GARNL3: variants seen among roughly 807,000 people sequenced by gnomAD.
GARNL3 encodes GTPase activating Rap/RanGAP domain like 3.
Under a neutral mutation model 125.0 loss-of-function variants are expected in GARNL3, and 63 were observed. That is an observed-to-expected ratio of 0.50 (90% confidence interval 0.41 to 0.62). GARNL3 has a LOEUF of 0.62. Ranked by LOEUF, GARNL3 falls within the 20% of genes least tolerant of loss-of-function variation. GARNL3 has a pLI of 0.00. For synonymous variants in GARNL3, 439 were observed against 457.5 expected, an observed-to-expected ratio of 0.96 and a Z score of 0.52; for missense variants, 994 against 1,244.0, an observed-to-expected ratio of 0.80 and a Z score of 3.02.
upstream of GARNL3, among the ~76,000 whole-genome samples, chr9:127,260,441 A>T (rs529137289): frequency 1.3e-5 from 2 of 152,220 alleles, no homozygotes; most frequent in Non-Finnish European, 2.9e-5. Context: ...TCTGAGGAAC[A>T]TGTCCTCTGA....
chr9:127,300,484 GT>G (rs1564895812), intron 2 of GARNL3: 1 of 393,568 alleles, frequency 2.5e-6, no homozygotes, highest in South Asian at 1.9e-5. Context: ...TTTTTTTGTT[GT>G]TTTTTGAGAC....
intron 2 of GARNL3, among the ~76,000 whole-genome samples, chr9:127,305,420 TC>T (rs2064925561): frequency 6.6e-6 from 1 of 152,198 alleles, no homozygotes. Flanking sequence ...TCTTTACACC[TC>T]ATCAAATGTG....
At chr9:127,267,699 C>T (rs949081675) in intron 1 of GARNL3, among the ~76,000 whole-genome samples, 10 of 152,216 alleles carry the variant, frequency 6.6e-5, no homozygotes, top group Admixed American at 6.5e-5. Flanking sequence ...TTTCCTCTCA[C>T]TTCTGAACAA....
chr9:127,354,809 T>C (rs1420365594), intron 19 of GARNL3, among the ~76,000 whole-genome samples: 4 of 152,210 alleles, frequency 2.6e-5, no homozygotes, highest in African/African-American at 9.7e-5. Context: ...TTCCTTTCCT[T>C]TCGGCAGAGT....
rs775573569 is a variant in GARNL3 at position 127,313,434 on chromosome 9, T to A, written c.320-7T>A. Reference sequence around the variant, plus strand: ...CATTCTCACTGTTCTAAACCTTTCTTTTCCAGTCCATCAGAACTACATTGG... The same window carrying A: ...CATTCTCACTGTTCTAAACCTTTCTATTCCAGTCCATCAGAACTACATTGG... On this transcript the variant is annotated splice_polypyrimidine_tract_variant and splice_region_variant and intron_variant, in intron 3 of 27. Coordinates refer to ENST00000373387, the MANE Select transcript of GARNL3 (RefSeq NM_032293.5). 2 of 1,603,194 alleles carry A rather than the reference T, an allele frequency of 1.2e-6. No individual in the cohort carries two copies. Among genetic ancestry groups the A allele is most frequent in the African/African-American group, 1.3e-5 (1 of 74,716 alleles).
At chr9:127,354,951 C>G (rs918813913) in intron 19 of GARNL3, among the ~76,000 whole-genome samples, 1 of 152,228 alleles carries the variant, frequency 6.6e-6, no homozygotes, top group African/African-American at 2.4e-5. Context: ...CGCCAGCATT[C>G]CCAGCTAACT....
At position 127,229,456 on chromosome 9, in the gene GARNL3, C is replaced by T. The variant is rs564112950; in HGVS notation, c.-29+5118C>T. On this transcript the variant is annotated intron_variant, in intron 1 of 10. Coordinates refer to the GARNL3 transcript ENST00000439286. Reference sequence around the variant, plus strand: ...CAGATTGGCCTCCCTTATCCAAAGTCCTTAATTCTTTCTCATTTCCTGTTA... The same window carrying T: ...CAGATTGGCCTCCCTTATCCAAAGTTCTTAATTCTTTCTCATTTCCTGTTA... Among the ~76,000 whole-genome samples, 3 of 152,274 alleles carry T rather than the reference C, an allele frequency of 2.0e-5. No homozygotes were observed. The East Asian group carries it at 5.8e-4, about 29-fold the overall frequency.
intron 1 of GARNL3, among the ~76,000 whole-genome samples, chr9:127,240,383 ACATGTGTAGACAG>A (rs1482446699): frequency 6.6e-6 from 1 of 152,016 alleles, no homozygotes; most frequent in East Asian, 1.9e-4. Context: ...CTTGCACCCC[ACATGTGTAGACAG>A]CTTGAAGGAT....
intron 19 of GARNL3, 126 bp from the exon 20 acceptor site, chr9:127,355,171 C>T: frequency 2.7e-6 from 2 of 730,712 alleles, no homozygotes. Context: ...GTGTCGGAAA[C>T]ATTCTCAGTC....
At chr9:127,345,144 A>C (rs1243062472) in intron 15 of GARNL3, among the ~76,000 whole-genome samples, 2 of 152,160 alleles carry the variant, frequency 1.3e-5, no homozygotes, top group Non-Finnish European at 2.9e-5. Context: ...TTTCAAGCTC[A>C]TGGTTTATAA....
chr9:127,247,046 G>A (rs970086450), intron 2 of GARNL3, among the ~76,000 whole-genome samples: 8 of 150,438 alleles, frequency 5.3e-5, no homozygotes, highest in African/African-American at 1.7e-4. Context: ...CTCTTTCAGC[G>A]CATTTTTGAG....
At chr9:127,288,018 G>A (rs889964882) in intron 1 of GARNL3, among the ~76,000 whole-genome samples, 1 of 152,180 alleles carries the variant, frequency 6.6e-6, no homozygotes, top group Non-Finnish European at 1.5e-5. Flanking sequence ...TAATGAGACC[G>A]ATACTGTGTC....
In GARNL3 at chr9:127,357,443, C is replaced by T. The variant is rs143126730; in HGVS notation, c.2094+66C>T. The T allele has an allele frequency of 3.2e-4, 458 of 1,441,398 alleles. 5 individuals carry two copies. The East Asian group carries it at 8.1e-3, about 25-fold the overall frequency. The allele number at this position is 1,441,398 out of a possible 1,614,324, so 89.3% of individuals were successfully genotyped here. On this transcript the variant is annotated intron_variant, in intron 21 of 27. Transcript: ENST00000373387. Reference sequence around the variant, plus strand: ...AGTAATCATCGTTGTGTATTCTAACCCTGACATGCCATGATTTGGATTTCT... The same window carrying T: ...AGTAATCATCGTTGTGTATTCTAACTCTGACATGCCATGATTTGGATTTCT...
chr9:127,263,871 C>T (rs1213992685), upstream of GARNL3: 6 of 1,357,492 alleles, frequency 4.4e-6, no homozygotes, highest in Admixed American at 9.9e-5. Flanking sequence ...TTCTTGGAGC[C>T]TGTCAAACAG....
intron 13 of GARNL3, among the ~76,000 whole-genome samples, chr9:127,340,457 G>A (rs1026837697): frequency 6.6e-6 from 1 of 151,854 alleles, no homozygotes; most frequent in Admixed American, 6.6e-5. Flanking sequence ...CTTGCTAGCC[G>A]CACGCCCTGG....
intron 1 of GARNL3, among the ~76,000 whole-genome samples, chr9:127,238,467 G>C (rs1015744196): frequency 6.6e-6 from 1 of 152,126 alleles, no homozygotes; most frequent in African/African-American, 2.4e-5. Flanking sequence ...CCTAGGGCTT[G>C]GGAGTCACAA....
rs779515459 is a variant in GARNL3, at chr9:127,345,456, T to C, written c.1410T>C (p.Ala470=). 2 of 1,607,752 alleles carry C rather than the reference T, an allele frequency of 1.2e-6. No individual in the cohort carries two copies. The highest frequency in any genetic ancestry group is 1.1e-5 in the South Asian group (1 of 89,884). The change falls in exon 16 of 28, where the codon GCT becomes GCC. Residue 470 remains alanine, a synonymous_variant. Coordinates refer to ENST00000373387, the MANE Select transcript of GARNL3 (RefSeq NM_032293.5). The stretch of plus-strand genomic sequence containing the variant: ...GGGATGCTCCATCAAGCTTGGCAGC[T>C]TCAGGGATCTGTAAAAAAGAGGTGA... ...VRGDAPSSLA[A]SGICKKEPWE...
chr9:127,391,030 A>T (rs1832797067), intron 27 of GARNL3, among the ~76,000 whole-genome samples: 1 of 152,178 alleles, frequency 6.6e-6, no homozygotes, highest in Non-Finnish European at 1.5e-5. Context: ...CATGCCTTTA[A>T]TCCCAGCAGT....
intron 22 of GARNL3, among the ~76,000 whole-genome samples, chr9:127,370,997 T>C (rs1831573912): frequency 6.6e-6 from 1 of 152,164 alleles, no homozygotes; most frequent in Non-Finnish European, 1.5e-5. Context: ...GAACTCGAGA[T>C]CTTTCCTCCT....
Sources: gnomAD v4.1 joint callset for allele counts (sites outside exome capture counted in the v4.1 genomes callset) on GRCh38, gnomAD v4.1.1 for gene constraint, MANE v1.5 for transcripts, NCBI Gene and HGNC (gene_info 2026-07-23, HGNC 2026-07-21) for gene names.